SCML2: variants seen among roughly 807,000 people sequenced by gnomAD.
The protein encoded by SCML2 is Scm polycomb group protein like 2.
SCML2 carries 6 observed loss-of-function variants against 48.4 expected under a neutral mutation model. The ratio of observed to expected loss-of-function variants is 0.12; its 90% CI spans 0.07 to 0.24. The LOEUF (loss-of-function observed/expected upper bound fraction) is 0.24. Among genes scored for constraint, SCML2 ranks in the 10% least tolerant of loss-of-function variants. SCML2 has a pLI of 1.00. For missense variants in SCML2, 377 were observed against 528.2 expected (o/e 0.71, Z 2.81); for synonymous variants, 181 against 189.5 (o/e 0.95, Z 0.37).
intron 1 of SCML2, among the ~76,000 whole-genome samples, chrX:18,343,171 C>T (rs1365204260): frequency 2.9e-5 from 3 of 103,340 alleles, no homozygotes; most frequent in South Asian, 8.6e-4. Context: ...CCCCACCTCC[C>T]TTTTTTTTTT....
At chrX:18,308,376 AG>A (rs1928836390) in intron 6 of SCML2, among the ~76,000 whole-genome samples, 1 of 86,730 alleles carries the variant, frequency 1.2e-5, no homozygotes, top group Non-Finnish European at 2.2e-5. Flanking sequence ...GGAGGGAGGG[AG>A]GGAAGGACAA....
intron 4 of SCML2, among the ~76,000 whole-genome samples, 183 bp from the exon 5 acceptor site, chrX:18,324,276 G>T (rs765883588): frequency 9.0e-6 from 1 of 111,255 alleles, no homozygotes; most frequent in East Asian, 2.8e-4. Flanking sequence ...TTGACATGCA[G>T]CATAAAAACA....
intron 6 of SCML2, among the ~76,000 whole-genome samples, chrX:18,309,610 G>A (rs1928881323): frequency 8.9e-6 from 1 of 111,907 alleles, no homozygotes; most frequent in African/African-American, 3.3e-5. Flanking sequence ...AAAAAAGGAC[G>A]AGATCATGTC....
chrX:18,267,451 G>A (rs1927291661), intron 7 of SCML2, among the ~76,000 whole-genome samples: 1 of 111,631 alleles, frequency 9.0e-6, no homozygotes, highest in Admixed American at 9.5e-5. Context: ...CCATCTCTGA[G>A]TCACACTATC....
chrX:18,254,858 A>AGGTT (rs1357748397), intron 11 of SCML2, among the ~76,000 whole-genome samples: 1 of 111,418 alleles, frequency 9.0e-6, no homozygotes, highest in Non-Finnish European at 1.9e-5. Flanking sequence ...CAGGAGGCGG[A>AGGTT]GGTTGCAGCG....
At chrX:18,308,091 T>C (rs1190659358) in intron 6 of SCML2, among the ~76,000 whole-genome samples, 1 of 100,329 alleles carries the variant, frequency 1.0e-5, no homozygotes, top group Non-Finnish European at 2.0e-5. Context: ...AAGACTCGTC[T>C]CAAAAGAAAA....
In SCML2 at chrX:18,267,511, T is replaced by C. The variant is rs776114888; in HGVS notation, c.731-1709A>G. Reference sequence around the variant, plus strand: ...ATAGAACAAGGGTTAGCTATCTTTTTCCAGGAAGGGCCAGAAACTAAATAT... The same window carrying C: ...ATAGAACAAGGGTTAGCTATCTTTTCCCAGGAAGGGCCAGAAACTAAATAT... On this transcript the variant is annotated intron_variant, in intron 7 of 14. Coordinates refer to ENST00000251900, the MANE Select transcript of SCML2 (RefSeq NM_006089.3). Among the ~76,000 whole-genome samples, 5 of 111,465 alleles carry C rather than the reference T, an allele frequency of 4.5e-5. No individual in the cohort carries two copies. In the South Asian group the frequency reaches 1.9e-3, roughly 42 times the overall value.
chrX:18,315,455 G>A (rs1371692733), intron 6 of SCML2, among the ~76,000 whole-genome samples: 1 of 111,525 alleles, frequency 9.0e-6, no homozygotes, highest in African/African-American at 3.3e-5. Context: ...CACATTTCTA[G>A]CGGCTGTGTG....
intron 11 of SCML2, among the ~76,000 whole-genome samples, chrX:18,252,469 G>C (rs1005047943): frequency 4.1e-4 from 46 of 111,906 alleles, no homozygotes; most frequent in Non-Finnish European, 7.5e-5. Context: ...AATAGGTATG[G>C]GATTTCTATT....
At chrX:18,242,877 A>G (rs1926316282) in intron 13 of SCML2, among the ~76,000 whole-genome samples, 1 of 111,975 alleles carries the variant, frequency 8.9e-6, no homozygotes, top group Non-Finnish European at 1.9e-5. Context: ...TTGGCCACAG[A>G]CAAATACAGC....
At chrX:18,266,428 T>C (rs773454300) in intron 7 of SCML2, among the ~76,000 whole-genome samples, 1 of 111,917 alleles carries the variant, frequency 8.9e-6, no homozygotes, top group African/African-American at 3.2e-5. Context: ...CCCAAGTGAT[T>C]TGTAGCTACT....
chrX:18,324,173 T>C (rs911632155), intron 4 of SCML2, 80 bp from the exon 5 acceptor site: 3 of 590,165 alleles, frequency 5.1e-6, no homozygotes, highest in Non-Finnish European at 8.1e-6. Context: ...CCAGAATACC[T>C]GAGGAACATT....
intron 7 of SCML2, among the ~76,000 whole-genome samples, chrX:18,277,831 G>A (rs1195664216): frequency 9.0e-6 from 1 of 111,245 alleles, no homozygotes; most frequent in East Asian, 2.8e-4. Context: ...TAGGGGAGAA[G>A]ATGGCCAACT....
intron 7 of SCML2, among the ~76,000 whole-genome samples, chrX:18,270,149 T>C (rs1490974989): frequency 9.3e-6 from 1 of 106,964 alleles, no homozygotes. Flanking sequence ...TGCTTTAGCC[T>C]CCCAAGTAGC....
At chrX:18,312,036 C>T (rs1440168690) in intron 6 of SCML2, among the ~76,000 whole-genome samples, 1 of 111,990 alleles carries the variant, frequency 8.9e-6, no homozygotes, top group Non-Finnish European at 1.9e-5. Context: ...AAGTGATCCA[C>T]CCATCTCAGC....
intron 5 of SCML2, 28 bp from the exon 6 acceptor site, chrX:18,320,448 T>C (rs1024808416): frequency 9.7e-6 from 9 of 923,218 alleles, no homozygotes; most frequent in Non-Finnish European, 1.4e-5. Context: ...TTAGGTATCA[T>C]GAAAAAGCCT....
chrX:18,246,971 C>T, intron 12 of SCML2, 143 bp from the exon 13 acceptor site: 2 of 589,345 alleles, frequency 3.4e-6, no homozygotes, highest in Non-Finnish European at 5.3e-6. Flanking sequence ...AAGTTCATGG[C>T]TATCCCCTCC....
chrX:18,292,416 T>C (rs968939487), intron 7 of SCML2, among the ~76,000 whole-genome samples: 2 of 111,062 alleles, frequency 1.8e-5, no homozygotes, highest in African/African-American at 6.5e-5. Flanking sequence ...AAAATAGAGA[T>C]TGGGTTAAGT....
intron 1 of SCML2, among the ~76,000 whole-genome samples, chrX:18,348,267 C>T (rs1258840591): frequency 3.6e-5 from 4 of 111,635 alleles, no homozygotes; most frequent in Non-Finnish European, 3.8e-5. Flanking sequence ...AACTTTTTGA[C>T]AAAAGAACTG....
Sources: gnomAD v4.1 joint callset for allele counts (sites outside exome capture counted in the v4.1 genomes callset) on GRCh38, gnomAD v4.1.1 for gene constraint, MANE v1.5 for transcripts, NCBI Gene and HGNC (gene_info 2026-07-23, HGNC 2026-07-21) for gene names.